C12orf42: variants seen among roughly 807,000 people sequenced by gnomAD.
C12orf42 encodes the protein uncharacterized protein C12orf42.
Under a neutral mutation model 21.6 loss-of-function variants are expected in C12orf42, and 25 were observed. The ratio of observed to expected loss-of-function variants is 1.16; its 90% CI spans 0.84 to 1.62. The LOEUF (loss-of-function observed/expected upper bound fraction) is 1.62, where lower values mean the gene tolerates loss of function less well. C12orf42 is among the 40% of genes most tolerant of loss of function. The probability of loss-of-function intolerance (pLI) is 0.00; values close to 1 mark genes in which losing one functional copy is unlikely to be tolerated. For missense variants in C12orf42, 483 were observed against 459.3 expected (o/e 1.05, Z -0.47); for synonymous variants, 174 against 175.0 (o/e 0.99, Z 0.05).
the C12orf42 span, chr12:103,558,939 G>A: frequency 6.6e-6 from 1 of 152,188 alleles, no homozygotes; most frequent in Admixed American, 6.5e-5. Context: ...AGTAAACAAT[G>A]AGCTGGGGCC....
chr12:103,137,462 A>C, the C12orf42 span, among the ~76,000 whole-genome samples: 54,022 of 149,366 alleles, frequency 0.36, 10,104 homozygotes, highest in East Asian at 0.49. Flanking sequence ...TAAGATTTCT[A>C]AAAAAAAACT....
the C12orf42 span, among the ~76,000 whole-genome samples, chr12:103,180,301 T>C: frequency 6.6e-6 from 1 of 152,038 alleles, no homozygotes; most frequent in Non-Finnish European, 1.5e-5. Flanking sequence ...AGGTGGCAAG[T>C]AGGAAAAAAA....
the C12orf42 span, among the ~76,000 whole-genome samples, chr12:103,502,506 C>T: frequency 3.3e-5 from 5 of 152,058 alleles, no homozygotes; most frequent in South Asian, 2.1e-4. Context: ...GTGTGCCTGC[C>T]TTTGCTCTTG....
chr12:103,452,037 A>C (rs2137502559), intron 2 of C12orf42, among the ~76,000 whole-genome samples: 1 of 152,108 alleles, frequency 6.6e-6, no homozygotes, highest in East Asian at 1.9e-4. Context: ...GGGTCCACTG[A>C]GAATTTCTGT....
intron 5 of C12orf42, among the ~76,000 whole-genome samples, chr12:103,304,391 G>A (rs2038058501): frequency 6.6e-6 from 1 of 152,132 alleles, no homozygotes; most frequent in Non-Finnish European, 1.5e-5. Context: ...GTGCCAGCTG[G>A]TAATAAACCC....
chr12:103,420,296 A>G lies in C12orf42; in HGVS notation c.79-18621T>C, dbSNP rs565423513. 6.6e-4 allele frequency among the ~76,000 whole-genome samples: 101 copies of G among 152,332 alleles called. 1 individual carries two copies. Among genetic ancestry groups the G allele is most frequent in the African/African-American group, 2.4e-3 (99 of 41,578 alleles). On this transcript the variant is annotated intron_variant, in intron 2 of 5. Coordinates refer to ENST00000548883, the MANE Select transcript of C12orf42 (RefSeq NM_198521.5). ...AACCCTTTGTGCTTACAAAAACAAC[A>G]ATAGAAAAAGTACACATTGGGGACT...
chr12:103,354,228 A>G (rs1430941805), intron 4 of C12orf42, among the ~76,000 whole-genome samples: 1 of 152,136 alleles, frequency 6.6e-6, no homozygotes, highest in East Asian at 1.9e-4. Flanking sequence ...GGTGTATGAT[A>G]ACAGTCACAG....
At chr12:103,275,694 T>C (rs1433621628) in intron 5 of C12orf42, among the ~76,000 whole-genome samples, 1 of 151,502 alleles carries the variant, frequency 6.6e-6, no homozygotes, top group Non-Finnish European at 1.5e-5. Flanking sequence ...CAATACTATC[T>C]TGCAGAATTC....
At chr12:103,474,441 C>CACGTATGT (rs1555212265) in intron 2 of C12orf42, among the ~76,000 whole-genome samples, 1 of 144,192 alleles carries the variant, frequency 6.9e-6, no homozygotes, top group African/African-American at 2.7e-5. Flanking sequence ...TGTATGTATA[C>CACGTATGT]ATGTATGTAT....
chr12:103,072,064 G>A, the C12orf42 span, among the ~76,000 whole-genome samples: 1 of 152,118 alleles, frequency 6.6e-6, no homozygotes, highest in African/African-American at 2.4e-5. Context: ...AAGCAAGTCA[G>A]TGATACCATT....
the C12orf42 span, among the ~76,000 whole-genome samples, chr12:103,074,098 A>G: frequency 3.3e-5 from 5 of 152,212 alleles, no homozygotes. Context: ...CAGACAAATA[A>G]AAGGTAAGAA....
chr12:103,290,322 C>T lies in C12orf42; in HGVS notation n.338-13112G>A, dbSNP rs116087807. ...CTTTGTCTCCTTCCTCTAGCCAACTCCTCCATCTGAAAGCCATTGAGCTCC... is the reference window on the plus strand; with the variant it reads ...CTTTGTCTCCTTCCTCTAGCCAACTTCTCCATCTGAAAGCCATTGAGCTCC... On this transcript the variant is annotated intron_variant and non_coding_transcript_variant, in intron 4 of 6. Coordinates refer to the C12orf42 transcript ENST00000546526. Among the ~76,000 whole-genome samples, 1,389 of 152,300 alleles carry T rather than the reference C, an allele frequency of 9.1e-3. 20 individuals carry two copies. The highest frequency in any genetic ancestry group is 0.032 in the African/African-American group (1,325 of 41,574).
At chr12:103,464,514 TTGTC>T (rs1225581915) in intron 2 of C12orf42, among the ~76,000 whole-genome samples, 4 of 152,114 alleles carry the variant, frequency 2.6e-5, no homozygotes, top group Non-Finnish European at 4.4e-5. Flanking sequence ...ATTCTGTAGA[TTGTC>T]TGTTCACTCT....
At chr12:103,326,834 C>A (rs182222559) in intron 4 of C12orf42, among the ~76,000 whole-genome samples, 2 of 152,290 alleles carry the variant, frequency 1.3e-5, no homozygotes, top group Admixed American at 1.3e-4. Context: ...CTTAGCACTG[C>A]CTAAAATTAT....
At chr12:103,233,091 C>T (rs2033353339), downstream of C12orf42, among the ~76,000 whole-genome samples, 1 of 152,194 alleles carries the variant, frequency 6.6e-6, no homozygotes, top group Admixed American at 6.5e-5. Context: ...TATCTCTGCT[C>T]CATTGAGTTG....
chr12:103,151,084 CGACT>C, the C12orf42 span, among the ~76,000 whole-genome samples: 1 of 152,072 alleles, frequency 6.6e-6, no homozygotes, highest in Non-Finnish European at 1.5e-5. Flanking sequence ...CACGCCACCA[CGACT>C]GACTAATTTT....
At chr12:103,457,274 G>A (rs1319880059) in intron 2 of C12orf42, among the ~76,000 whole-genome samples, 3 of 152,158 alleles carry the variant, frequency 2.0e-5, no homozygotes, top group Non-Finnish European at 2.9e-5. Context: ...CCGAATTTCT[G>A]TATCATTTTC....
chr12:103,067,482 C>A, the C12orf42 span, among the ~76,000 whole-genome samples: 2 of 152,154 alleles, frequency 1.3e-5, no homozygotes, highest in African/African-American at 4.8e-5. Flanking sequence ...AGAGCTGGGA[C>A]AGAGTTCTCC....
intron 3 of C12orf42, among the ~76,000 whole-genome samples, chr12:103,379,955 T>C (rs1370160706): frequency 2.6e-5 from 4 of 152,208 alleles, no homozygotes; most frequent in African/African-American, 9.6e-5. Context: ...CAAGCGATAA[T>C]GCAGCTTAGC....
Sources: allele counts gnomAD v4.1 joint callset (sites outside exome capture counted in the v4.1 genomes callset), GRCh38; gene constraint gnomAD v4.1.1; transcripts MANE v1.5; gene names NCBI Gene and HGNC (gene_info 2026-07-23, HGNC 2026-07-21).